The following SORCS2 variants were observed in gnomAD, a reference collection of about 807,000 sequenced individuals.
SORCS2 encodes the protein sortilin related VPS10 domain containing receptor 2.
Under a neutral mutation model 141.6 loss-of-function variants are expected in SORCS2, and 100 were observed. The observed-to-expected ratio is 0.71, with a 90% CI of 0.60 to 0.83. The LOEUF is 0.83. Among genes scored for constraint, SORCS2 ranks in the 40% least tolerant of loss-of-function variants. The pLI is 0.00. For synonymous variants in SORCS2, 789 were observed against 676.9 expected (o/e 1.17, Z -2.57); for missense variants, 1,646 against 1,560.2 (o/e 1.05, Z -0.93).
rs571691353 is a variant in SORCS2, at chr4:7,303,635, T to C, written c.481-92653T>C. Among the ~76,000 whole-genome samples, 12 of 152,274 alleles carry C rather than the reference T, an allele frequency of 7.9e-5. No individual in the cohort carries two copies. In the South Asian group the frequency reaches 2.1e-3, roughly 26 times the overall value. On this transcript the variant is annotated intron_variant, in intron 1 of 26. Coordinates refer to ENST00000507866, the MANE Select transcript of SORCS2 (RefSeq NM_020777.3). ...CTGCAAACCATTCTGGGAGCTGAGG[T>C]ATATGGTGCTGAGTGTCAGGGTATC... is the stretch of plus-strand genomic sequence containing the variant.
Position 7,201,104 on chromosome 4 carries a change from C to T in SORCS2, c.480+7978C>T, listed in dbSNP as rs911737421. On this transcript the variant is annotated intron_variant, in intron 1 of 26. Coordinates refer to ENST00000507866, the MANE Select transcript of SORCS2 (RefSeq NM_020777.3). This position sits in a 1 kb window ranked among gnomAD's most constrained non-coding sequence, Gnocchi z 4.4. Reference sequence around the variant, plus strand: ...GCGTTCTAGGTGCCGTGTGAATCTGCGCTGGGGAAGTCTGGGAAGATTTCC... The same window carrying T: ...GCGTTCTAGGTGCCGTGTGAATCTGTGCTGGGGAAGTCTGGGAAGATTTCC... Among the ~76,000 whole-genome samples, 15 of 152,128 alleles carry T rather than the reference C, an allele frequency of 9.9e-5. No individual in the cohort carries two copies. Among genetic ancestry groups the T allele is most frequent in the Non-Finnish European group, 1.5e-4 (10 of 68,032 alleles).
Position 7,718,046 on chromosome 4 carries a change from G to C in SORCS2, c.2287G>C (p.Gly763Arg). 1 of 1,608,686 alleles carries C rather than the reference G, an allele frequency of 6.2e-7. No individual in the cohort carries two copies. The highest frequency in any genetic ancestry group is 8.5e-7 in the Non-Finnish European group (1 of 1,177,530). The change falls in exon 18 of 27, where the codon GGG (glycine) becomes CGG (arginine). Residue 763 changes from glycine to arginine, a missense_variant. Coordinates refer to ENST00000507866, the MANE Select transcript of SORCS2 (RefSeq NM_020777.3). ...AGTGGTGTCCAACGTGTGTGAGGGT[G>C]GGGTGGACATGCAGCAGAGTCAGGT... ...RKVVSNVCEGGVDMQQSQVQL... is the reference protein window; with the variant it reads ...RKVVSNVCEGRVDMQQSQVQL...
At chr4:7,309,022 T>G (rs1718017362) in intron 1 of SORCS2, among the ~76,000 whole-genome samples, 1 of 152,226 alleles carries the variant, frequency 6.6e-6, no homozygotes, top group South Asian at 2.1e-4. Context: ...GGCAGAATTC[T>G]CTCTCCTCTG....
At chr4:7,392,857 T>C (rs1386135929) in intron 1 of SORCS2, among the ~76,000 whole-genome samples, 1 of 150,544 alleles carries the variant, frequency 6.6e-6, no homozygotes, top group Non-Finnish European at 1.5e-5. Context: ...CTCAGTTTCC[T>C]CAGCCGTAAT....
rs139156353 is a variant in SORCS2 at position 7,528,968 on chromosome 4, C to T, written c.549-2562C>T. Among the ~76,000 whole-genome samples the T allele has an allele frequency of 7.7e-4, 117 of 152,318 alleles. 1 individual carries two copies. In the East Asian group the frequency reaches 0.019, roughly 25 times the overall value. On this transcript the variant is annotated intron_variant, in intron 2 of 26. Coordinates refer to ENST00000507866, the MANE Select transcript of SORCS2 (RefSeq NM_020777.3). The stretch of plus-strand genomic sequence containing the variant: ...ACCTCACTTTGCCTCTGTCTGTGCG[C>T]GGCCTTCTCTGTGTCTGTGTCCCAA...
chr4:7,647,830 G>C (rs1302297112), intron 4 of SORCS2, among the ~76,000 whole-genome samples: 1 of 152,248 alleles, frequency 6.6e-6, no homozygotes, highest in African/African-American at 2.4e-5. Context: ...CTCATCCTCA[G>C]GGAACCTGCC....
chr4:7,247,008 G>C (rs28572156), intron 1 of SORCS2, among the ~76,000 whole-genome samples: 18,341 of 152,188 alleles, frequency 0.12, 1,668 homozygotes, highest in African/African-American at 0.26. Flanking sequence ...CTGGCCCTCT[G>C]TGCCTTTACA....
chr4:7,397,431 C>T (rs1016012431), intron 2 of SORCS2, among the ~76,000 whole-genome samples: 3 of 151,964 alleles, frequency 2.0e-5, no homozygotes, highest in Non-Finnish European at 4.4e-5. Context: ...CTCAGCCGCT[C>T]CCAGCAAAAA....
chr4:7,494,023 A>ACACACACACACACACT (rs1227808863), intron 2 of SORCS2, among the ~76,000 whole-genome samples: 1 of 137,292 alleles, frequency 7.3e-6, no homozygotes, highest in African/African-American at 2.8e-5. Flanking sequence ...ACACATTCAC[A>ACACACACACACACACT]CACACACACA....
intron 1 of SORCS2, among the ~76,000 whole-genome samples, chr4:7,229,975 G>A (rs1711725351): frequency 7.0e-6 from 1 of 143,660 alleles, no homozygotes; most frequent in South Asian, 2.4e-4. Context: ...AGGAGATGAA[G>A]ATGGTCAAGT....
intron 2 of SORCS2, among the ~76,000 whole-genome samples, chr4:7,489,263 C>T (rs1327627900): frequency 6.6e-6 from 1 of 152,170 alleles, no homozygotes; most frequent in African/African-American, 2.4e-5. Flanking sequence ...TCTCTGGGCT[C>T]TTACTCCTTA....
intron 9 of SORCS2, among the ~76,000 whole-genome samples, chr4:7,678,397 A>T (rs1723303268): frequency 6.7e-6 from 1 of 149,874 alleles, no homozygotes; most frequent in African/African-American, 2.5e-5. Context: ...AAACCATCAA[A>T]CATGGGTCAC....
At chr4:7,638,263 C>T (rs1720400624) in intron 3 of SORCS2, 65 bp from the exon 4 acceptor site, 1 of 1,478,896 alleles carries the variant, frequency 6.8e-7, no homozygotes, top group South Asian at 1.4e-5. Context: ...GGCCTCACAA[C>T]ACCTTTCTGG....
chr4:7,454,832 G>A (rs1728765811), intron 2 of SORCS2, among the ~76,000 whole-genome samples: 1 of 137,492 alleles, frequency 7.3e-6, no homozygotes, highest in Non-Finnish European at 1.6e-5. Flanking sequence ...GGGGTCTGGT[G>A]CTGTGTGTTG....
intron 2 of SORCS2, among the ~76,000 whole-genome samples, chr4:7,408,384 CA>C (rs1725107661): frequency 8.2e-6 from 1 of 122,072 alleles, no homozygotes; most frequent in Non-Finnish European, 1.9e-5. Context: ...TCTTGGATGA[CA>C]GTTTTTTTTT....
chr4:7,327,969 C>T (rs1252285499), intron 1 of SORCS2, among the ~76,000 whole-genome samples: 1 of 151,294 alleles, frequency 6.6e-6, no homozygotes, highest in African/African-American at 2.4e-5. Context: ...CCTTCTCTTC[C>T]TCATCATCAG....
intron 2 of SORCS2, among the ~76,000 whole-genome samples, chr4:7,502,617 C>T (rs932583157): frequency 7.9e-5 from 12 of 152,258 alleles, no homozygotes; most frequent in African/African-American, 2.9e-4. Flanking sequence ...CTTCCCATAA[C>T]TCCCACTTCC....
rs541125613 is a variant in SORCS2 at position 7,716,609 on chromosome 4, C to T, written c.2252+1298C>T. 7.5e-4 allele frequency among the ~76,000 whole-genome samples: 114 copies of T among 152,182 alleles called. 1 individual carries two copies. The highest frequency in any genetic ancestry group is 2.6e-3 in the African/African-American group (106 of 41,528). On this transcript the variant is annotated intron_variant, in intron 17 of 26. Coordinates refer to ENST00000507866, the MANE Select transcript of SORCS2 (RefSeq NM_020777.3). ...ATCTACCCATCAATTCATCCACTAT[C>T]CACCCACCCATCTGTCCATCCATCC...
At chr4:7,373,478 A>ATAT (rs1470691140) in intron 1 of SORCS2, among the ~76,000 whole-genome samples, 39 of 36,828 alleles carry the variant, frequency 1.1e-3, no homozygotes, top group South Asian at 1.3e-3. Context: ...ATATATATAT[A>ATAT]TTTTTTTTTT....
Sources: gnomAD v4.1 joint callset for allele counts (sites outside exome capture counted in the v4.1 genomes callset) on GRCh38, gnomAD v4.1.1 for gene constraint, Gnocchi (gnomAD v3.1) non-coding constraint, MANE v1.5 for transcripts, NCBI Gene and HGNC (gene_info 2026-07-23, HGNC 2026-07-21) for gene names.